The following ARL15 variants were observed in gnomAD, a reference collection of about 807,000 sequenced individuals.
ARL15 encodes the protein ARF like GTPase 15.
A neutral mutation model predicts 25.2 loss-of-function variants in ARL15; 19 were observed. The observed-to-expected ratio is 0.75, with a 90% CI of 0.53 to 1.10. ARL15 has a LOEUF of 1.10. ARL15 is among the 50% of genes least tolerant of loss of function. The pLI, the probability that ARL15 is intolerant of heterozygous loss-of-function variation, is 0.00. For missense variants in ARL15, 220 were observed against 246.0 expected, an observed-to-expected ratio of 0.89 and a Z score of 0.71; for synonymous variants, 94 against 86.8, an observed-to-expected ratio of 1.08 and a Z score of -0.46.
intron 4 of ARL15, among the ~76,000 whole-genome samples, chr5:53,932,845 C>T (rs713209): frequency 0.23 from 35,202 of 152,012 alleles, 4,441 homozygotes; most frequent in African/African-American, 0.31. Flanking sequence ...GACGAAGGAG[C>T]TCAAGGAATT....
intron 4 of ARL15, among the ~76,000 whole-genome samples, chr5:53,980,547 G>A (rs1026121931): frequency 6.6e-6 from 1 of 152,156 alleles, no homozygotes; most frequent in African/African-American, 2.4e-5. Context: ...TACAGGAGGT[G>A]GATGGAGACA....
At chr5:54,284,983 A>G (rs1349934107) in intron 1 of ARL15, among the ~76,000 whole-genome samples, 4 of 152,206 alleles carry the variant, frequency 2.6e-5, no homozygotes, top group Admixed American at 6.5e-5. Flanking sequence ...TATAGATGCT[A>G]TATTTGCAAG....
intron 4 of ARL15, among the ~76,000 whole-genome samples, chr5:54,007,513 AAAAG>A (rs1201341596): frequency 6.6e-6 from 1 of 152,172 alleles, no homozygotes; most frequent in African/African-American, 2.4e-5. Context: ...TTTAAATTTT[AAAAG>A]AAAGAGTGGC....
chr5:54,135,231 C>G (rs1054508899), intron 3 of ARL15, among the ~76,000 whole-genome samples: 29 of 152,198 alleles, frequency 1.9e-4, no homozygotes, highest in African/African-American at 7.0e-4. Flanking sequence ...GACAGCTTAT[C>G]CAACATGGGC....
intron 1 of ARL15, chr5:54,308,007 A>T: frequency 6.6e-6 from 1 of 152,216 alleles, no homozygotes; most frequent in East Asian, 1.9e-4. Flanking sequence ...ACCAGATGCA[A>T]ATAAATTGAT....
At chr5:54,015,923 A>G (rs1749413966) in intron 4 of ARL15, among the ~76,000 whole-genome samples, 1 of 152,216 alleles carries the variant, frequency 6.6e-6, no homozygotes, top group African/African-American at 2.4e-5. Flanking sequence ...CTATTACCAG[A>G]GAGACTTTAT....
At chr5:54,190,524 A>G (rs961890061) in intron 1 of ARL15, among the ~76,000 whole-genome samples, 1 of 152,230 alleles carries the variant, frequency 6.6e-6, no homozygotes, top group Middle Eastern at 3.2e-3. Flanking sequence ...GAGGCTGGAA[A>G]GTCCAGGATC....
intron 4 of ARL15, among the ~76,000 whole-genome samples, chr5:54,049,628 T>C (rs1750644504): frequency 6.6e-6 from 1 of 152,060 alleles, no homozygotes; most frequent in African/African-American, 2.4e-5. Flanking sequence ...TGAGATAGGG[T>C]CTCACCCTGT....
chr5:53,954,746 T>A (rs1408589062), intron 4 of ARL15, among the ~76,000 whole-genome samples: 1 of 152,136 alleles, frequency 6.6e-6, no homozygotes, highest in African/African-American at 2.4e-5. Context: ...ATCCAAAGTT[T>A]GCTTCCAACA....
intron 4 of ARL15, among the ~76,000 whole-genome samples, chr5:54,071,323 TAGAAAAA>T (rs1751411403): frequency 2.0e-5 from 3 of 152,152 alleles, no homozygotes; most frequent in Non-Finnish European, 2.9e-5. Context: ...TGTTTTTAAT[TAGAAAAA>T]ATGATGAGAA....
chr5:54,136,306 A>AT (rs1159902138), intron 3 of ARL15, among the ~76,000 whole-genome samples: 14 of 152,236 alleles, frequency 9.2e-5, no homozygotes, highest in Admixed American at 9.2e-4. Context: ...ATCATGAGAG[A>AT]TATATCTGCA....
At chr5:54,234,628 A>G (rs985990409) in intron 1 of ARL15, among the ~76,000 whole-genome samples, 1 of 152,206 alleles carries the variant, frequency 6.6e-6, no homozygotes. Context: ...CCTAGTGTCC[A>G]TGTTTAAGAA....
At chr5:54,104,766 C>T (rs1752541475) in intron 4 of ARL15, among the ~76,000 whole-genome samples, 1 of 151,994 alleles carries the variant, frequency 6.6e-6, no homozygotes. Context: ...GCTCCTCAGA[C>T]ATATTTGTAG....
At chr5:53,892,923 T>G (rs568107867) in intron 4 of ARL15, among the ~76,000 whole-genome samples, 3 of 152,214 alleles carry the variant, frequency 2.0e-5, no homozygotes, top group Non-Finnish European at 4.4e-5. Flanking sequence ...TTTTAAACTC[T>G]CTAGTAAAAG....
intron 4 of ARL15, among the ~76,000 whole-genome samples, chr5:54,018,082 T>C (rs746141428): frequency 6.6e-6 from 1 of 152,172 alleles, no homozygotes; most frequent in Non-Finnish European, 1.5e-5. Flanking sequence ...ACATTCCACA[T>C]GTTCATCATA....
intron 4 of ARL15, among the ~76,000 whole-genome samples, chr5:54,088,670 A>G (rs891338213): frequency 6.6e-6 from 1 of 152,010 alleles, no homozygotes; most frequent in African/African-American, 2.4e-5. Context: ...CCTAGCAGAC[A>G]GAAAGCTTCC....
rs185475533 is a variant in ARL15, at chr5:54,163,160, T to C, written c.194-8521A>G. ...TTTTTTGCATATCTTCACAGGATCA[T>C]AGTTTCATCTTTTGGTTTATTGATA... On this transcript the variant is annotated intron_variant, in intron 2 of 4. Coordinates refer to ENST00000504924, the MANE Select transcript of ARL15 (RefSeq NM_019087.3). 1.5e-3 allele frequency among the ~76,000 whole-genome samples: 228 copies of C among 152,210 alleles called. 2 individuals carry two copies. The highest frequency in any genetic ancestry group is 7.9e-3 in the Admixed American group (121 of 15,282).
chr5:54,284,508 T>C (rs1230729993), intron 1 of ARL15, among the ~76,000 whole-genome samples: 1 of 152,238 alleles, frequency 6.6e-6, no homozygotes, highest in Non-Finnish European at 1.5e-5. Flanking sequence ...CCCAGTGCCA[T>C]ATGAAAGGGC....
At chr5:54,091,303 C>G (rs1320958381) in intron 4 of ARL15, among the ~76,000 whole-genome samples, 8 of 152,118 alleles carry the variant, frequency 5.3e-5, no homozygotes, top group Non-Finnish European at 1.0e-4. Context: ...TTTTCATAAC[C>G]TATGTTTTTT....
Sources: gnomAD v4.1 joint callset for allele counts (sites outside exome capture counted in the v4.1 genomes callset) on GRCh38, gnomAD v4.1.1 for gene constraint, MANE v1.5 for transcripts, NCBI Gene and HGNC (gene_info 2026-07-23, HGNC 2026-07-21) for gene names.